Variants in VRK2 observed in about 807,000 individuals in gnomAD.
The protein encoded by VRK2 is VRK serine/threonine kinase 2.
Under a neutral mutation model 57.6 loss-of-function variants are expected in VRK2, and 60 were observed. The observed-to-expected ratio is 1.04, with a 90% CI of 0.85 to 1.29. VRK2 has a LOEUF of 1.29. Among genes scored for constraint, VRK2 ranks in the 50% most tolerant of loss-of-function variants. The pLI is 0.00. For synonymous variants in VRK2, 231 were observed against 199.2 expected (o/e 1.16, Z -1.35); for missense variants, 705 against 588.1 (o/e 1.20, Z -2.06).
At chr2:57,926,263 G>A (rs1670528803) in intron 1 of VRK2, among the ~76,000 whole-genome samples, 1 of 151,842 alleles carries the variant, frequency 6.6e-6, no homozygotes, top group South Asian at 2.1e-4. Context: ...TGCAGATTAA[G>A]TCTAATGCTT....
intron 9 of VRK2, among the ~76,000 whole-genome samples, chr2:58,134,333 C>G (rs1291709027): frequency 6.6e-6 from 1 of 152,142 alleles, no homozygotes; most frequent in Non-Finnish European, 1.5e-5. Context: ...AATATGGGGC[C>G]GGGCGCGGTG....
At chr2:57,981,959 T>G (rs550719753) in intron 1 of VRK2, among the ~76,000 whole-genome samples, 2 of 152,340 alleles carry the variant, frequency 1.3e-5, no homozygotes, top group East Asian at 3.9e-4. Flanking sequence ...GAAAACACTC[T>G]GCTTTTTAGA....
intron 2 of VRK2, among the ~76,000 whole-genome samples, chr2:58,075,863 A>ACTTATAGAGTACTTATAGGCTTATAGAG (rs201796822): frequency 1.3e-5 from 2 of 152,078 alleles, no homozygotes; most frequent in Admixed American, 6.6e-5. Context: ...GGCTTATAGT[A>ACTTATAGAGTACTTATAGGCTTATAGAG]AAACTCTGCC....
intron 7 of VRK2, among the ~76,000 whole-genome samples, chr2:58,117,418 A>G (rs186469894): frequency 0.036 from 5,423 of 152,138 alleles, 328 homozygotes; most frequent in African/African-American, 0.12. Context: ...GTGGAGGAGC[A>G]GAGGCTGAGG....
At chr2:58,044,191 T>A (rs985491681), upstream of VRK2, among the ~76,000 whole-genome samples, 3 of 152,232 alleles carry the variant, frequency 2.0e-5, no homozygotes. Context: ...TATTCTGCCA[T>A]TCCTGGGGCT....
At chr2:57,978,808 C>T (rs1274757852) in intron 1 of VRK2, among the ~76,000 whole-genome samples, 1 of 150,542 alleles carries the variant, frequency 6.6e-6, no homozygotes, top group Admixed American at 6.6e-5. Flanking sequence ...CCCTCACCCC[C>T]GACCCTACAA....
intron 1 of VRK2, among the ~76,000 whole-genome samples, chr2:57,949,779 G>C (rs1176811903): frequency 6.6e-6 from 1 of 152,170 alleles, no homozygotes; most frequent in Non-Finnish European, 1.5e-5. Context: ...TGAAAGCTAG[G>C]CCTCTTGTAC....
Position 58,159,430 on chromosome 2 carries a change from T to G in VRK2, c.1264T>G (p.Tyr422Asp). The stretch of plus-strand genomic sequence containing the variant: ...AAACAGTTTCCCACAAAAAATCAGC[T>G]ATACACAATTCCCAAACTCATTTTA... ...EVNSFPQKISYTQFPNSFYEP... is the reference protein window; with the variant it reads ...EVNSFPQKISDTQFPNSFYEP... Residue 422 changes from tyrosine to aspartate, a missense_variant, in exon 13 of 13, where the codon TAT (tyrosine) becomes GAT (aspartate). By Grantham distance (160) the Tyr-to-Asp change is radical (BLOSUM62 -3). Coordinates refer to ENST00000340157, the MANE Select transcript of VRK2 (RefSeq NM_006296.7). 1 of 1,613,628 alleles carries G rather than the reference T, an allele frequency of 6.2e-7. No individual in the cohort carries two copies. The highest frequency in any genetic ancestry group is 1.1e-5 in the South Asian group (1 of 91,050).
intron 1 of VRK2, among the ~76,000 whole-genome samples, chr2:58,008,068 C>T (rs915004873): frequency 2.0e-5 from 3 of 151,988 alleles, no homozygotes; most frequent in Admixed American, 1.3e-4. Flanking sequence ...AAACACTGAA[C>T]ATTTTTTAAA....
chr2:57,939,891 AT>A (rs1671037836), intron 1 of VRK2, among the ~76,000 whole-genome samples: 1 of 152,134 alleles, frequency 6.6e-6, no homozygotes, highest in Non-Finnish European at 1.5e-5. Flanking sequence ...GTATTGATAA[AT>A]TTTTTTACAT....
At chr2:58,012,237 C>T (rs913459694) in intron 1 of VRK2, among the ~76,000 whole-genome samples, 7 of 152,174 alleles carry the variant, frequency 4.6e-5, no homozygotes, top group African/African-American at 1.7e-4. Flanking sequence ...CAACCAGCAG[C>T]CCTCAGGGCT....
In VRK2 at chr2:58,123,235, TG is replaced by T; in HGVS notation, c.676+5del. ...GCTTGGATGCCCACAAGGGAGTAGG[TG>T]GGTTTCTTTTTTCTTTTTCTTATTT... On this transcript the variant is annotated splice_donor_region_variant and intron_variant, in intron 8 of 12. Coordinates refer to ENST00000340157, the MANE Select transcript of VRK2 (RefSeq NM_006296.7). The T allele has an allele frequency of 6.4e-7, 1 of 1,574,200 alleles. No homozygotes were observed. Among genetic ancestry groups the T allele is most frequent in the Non-Finnish European group, 8.6e-7 (1 of 1,169,056 alleles).
rs1278251252 is a variant in VRK2 at position 58,123,091 on chromosome 2, T to G, written c.544-10T>G. The G allele has an allele frequency of 6.3e-7, 1 of 1,595,396 alleles. No homozygotes were observed. The highest frequency in any genetic ancestry group is 8.5e-7 in the Non-Finnish European group (1 of 1,174,934). On this transcript the variant is annotated splice_polypyrimidine_tract_variant and intron_variant, in intron 7 of 12. Transcript: ENST00000340157. ...AAGGCATTATTCATTTGTCTGTGCTTGTCTTCCAGGTTTATCTTGCAGATT... is the reference window on the plus strand; with the variant it reads ...AAGGCATTATTCATTTGTCTGTGCTGGTCTTCCAGGTTTATCTTGCAGATT...
intron 7 of VRK2, among the ~76,000 whole-genome samples, chr2:58,091,972 G>A (rs899253988): frequency 6.6e-6 from 1 of 152,164 alleles, no homozygotes; most frequent in Admixed American, 6.5e-5. Context: ...AATGGTATAA[G>A]AAAGTTAGTG....
At chr2:58,066,799 T>G (rs1276879827) in intron 2 of VRK2, among the ~76,000 whole-genome samples, 1 of 152,158 alleles carries the variant, frequency 6.6e-6, no homozygotes, top group African/African-American at 2.4e-5. Flanking sequence ...TTAGGTAACT[T>G]AGTAGTTCAT....
intron 1 of VRK2, among the ~76,000 whole-genome samples, chr2:57,983,615 T>C (rs558402093): frequency 6.6e-6 from 1 of 152,324 alleles, no homozygotes; most frequent in East Asian, 1.9e-4. Context: ...TTTCACATTT[T>C]GTGTTTTGGG....
chr2:57,961,206 G>T (rs1407062915), intron 1 of VRK2, among the ~76,000 whole-genome samples: 1 of 152,178 alleles, frequency 6.6e-6, no homozygotes, highest in Admixed American at 6.5e-5. Flanking sequence ...GCATAGCCAG[G>T]ATGGTTTCTC....
Position 58,137,260 on chromosome 2 carries a change from G to GTATCA in VRK2, c.856+2061_856+2062insTATCA, listed in dbSNP as rs374908920. 9.1e-5 allele frequency among the ~76,000 whole-genome samples: 2 copies of GTATCA among 21,890 alleles called. 1 individual carries two copies. The highest frequency in any genetic ancestry group is 2.5e-4 in the African/African-American group (2 of 8,046). The allele number at this position is 21,890 out of a possible 152,430, so 14.4% of individuals were successfully genotyped here. On this transcript the variant is annotated intron_variant, in intron 10 of 12. Coordinates refer to ENST00000340157, the MANE Select transcript of VRK2 (RefSeq NM_006296.7). Reference sequence around the variant, plus strand: ...TATATATCATATATATGATATATATGATATATATGTGTTTGTATATATATC... The same window carrying GTATCA: ...TATATATCATATATATGATATATATGTATCAATATATATGTGTTTGTATATATATC...
chr2:58,158,802 A>ATATC (rs1429952314), intron 12 of VRK2, among the ~76,000 whole-genome samples: 6 of 152,108 alleles, frequency 3.9e-5, no homozygotes, highest in Non-Finnish European at 8.8e-5. Context: ...CTTTATATTA[A>ATATC]TATCTATTCG....
Sources: gnomAD v4.1 joint callset for allele counts (sites outside exome capture counted in the v4.1 genomes callset) on GRCh38, gnomAD v4.1.1 for gene constraint, MANE v1.5 for transcripts, NCBI Gene and HGNC (gene_info 2026-07-23, HGNC 2026-07-21) for gene names.